ZNF536: variants seen among roughly 807,000 people sequenced by gnomAD.
ZNF536 encodes zinc finger protein 536.
A neutral mutation model predicts 84.5 loss-of-function variants in ZNF536; 13 were observed. The ratio of observed to expected loss-of-function variants is 0.15; its 90% CI spans 0.10 to 0.24. The LOEUF (loss-of-function observed/expected upper bound fraction) is 0.24. ZNF536 is among the 10% of genes least tolerant of loss of function. The pLI is 1.00. For missense variants in ZNF536, 1,536 were observed against 1,747.5 expected, an observed-to-expected ratio of 0.88 and a Z score of 2.16; for synonymous variants, 811 against 742.5, an observed-to-expected ratio of 1.09 and a Z score of -1.50.
chr19:30,275,369 C>T (rs1455099193), intron 1 of ZNF536, among the ~76,000 whole-genome samples: 1 of 152,220 alleles, frequency 6.6e-6, no homozygotes, highest in African/African-American at 2.4e-5. Flanking sequence ...CCACCTTTTG[C>T]TGGGGAGTAG....
downstream of ZNF536, chr19:30,713,546 CTG>C (rs2052517156): frequency 6.6e-6 from 1 of 152,122 alleles, no homozygotes; most frequent in Non-Finnish European, 1.5e-5. Flanking sequence ...TCAGCAATGA[CTG>C]TTTTCTTTCT....
chr19:30,373,961 G>C (rs1162521948), intron 1 of ZNF536, among the ~76,000 whole-genome samples: 1 of 152,152 alleles, frequency 6.6e-6, no homozygotes, highest in Non-Finnish European at 1.5e-5. Flanking sequence ...CCTGTTTTCC[G>C]GGCCTGCAGT....
chr19:30,678,307 G>C (rs1000146630), intron 1 of ZNF536, among the ~76,000 whole-genome samples: 1 of 152,128 alleles, frequency 6.6e-6, no homozygotes, highest in African/African-American at 2.4e-5. Context: ...GATTGCTCAG[G>C]GTCCTCAGCA....
chr19:30,419,324 G>T (rs1200872411), intron 1 of ZNF536, among the ~76,000 whole-genome samples: 2 of 152,180 alleles, frequency 1.3e-5, no homozygotes, highest in Middle Eastern at 3.2e-3. Flanking sequence ...TTTCCGTACA[G>T]TTTTGTCTTT....
At chr19:30,388,133 A>G (rs1481871531) in intron 1 of ZNF536, among the ~76,000 whole-genome samples, 3 of 152,224 alleles carry the variant, frequency 2.0e-5, no homozygotes, top group Non-Finnish European at 4.4e-5. Flanking sequence ...AAAAGAAAAG[A>G]CAAGGGTGTG....
At chr19:30,263,135 G>T (rs1019991624) in intron 1 of ZNF536, among the ~76,000 whole-genome samples, 8 of 152,152 alleles carry the variant, frequency 5.3e-5, no homozygotes, top group African/African-American at 1.9e-4. Context: ...GGAGCAGCAT[G>T]GTGCAGCTCC....
chr19:30,381,365 C>T (rs1350125183), intron 1 of ZNF536, among the ~76,000 whole-genome samples: 2 of 152,202 alleles, frequency 1.3e-5, no homozygotes, highest in African/African-American at 2.4e-5. Context: ...ACACAGTCAC[C>T]TCATACATGA....
chr19:30,240,516 T>G (rs1047766266), intron 1 of ZNF536, among the ~76,000 whole-genome samples: 41 of 152,214 alleles, frequency 2.7e-4, no homozygotes, highest in African/African-American at 9.6e-4. Flanking sequence ...AGCTCCCAGC[T>G]GCAGGTTGCT....
intron 1 of ZNF536, among the ~76,000 whole-genome samples, chr19:30,421,642 C>G (rs938420247): frequency 6.6e-6 from 1 of 152,190 alleles, no homozygotes; most frequent in Non-Finnish European, 1.5e-5. Context: ...GGATTTCGGG[C>G]GTGAGCCACT....
At chr19:30,705,195 G>A (rs915110462) in intron 1 of ZNF536, among the ~76,000 whole-genome samples, 54 of 152,046 alleles carry the variant, frequency 3.6e-4, no homozygotes, top group Middle Eastern at 3.2e-3. Flanking sequence ...GGCTTATTCC[G>A]GGCCTATCAT....
At chr19:30,565,738 G>C (rs1040262991) in intron 1 of ZNF536, among the ~76,000 whole-genome samples, 2 of 151,976 alleles carry the variant, frequency 1.3e-5, no homozygotes, top group African/African-American at 4.8e-5. Context: ...GTCTGCTCTT[G>C]CTGTCATTTT....
At chr19:30,486,990 T>G (rs2054326235) in intron 2 of ZNF536, among the ~76,000 whole-genome samples, 1 of 152,218 alleles carries the variant, frequency 6.6e-6, no homozygotes, top group Admixed American at 6.5e-5. Context: ...AGTGGCCATT[T>G]TGGTCTATTG....
chr19:30,700,216 CTT>C (rs745749335), intron 1 of ZNF536, among the ~76,000 whole-genome samples: 87 of 86,858 alleles, frequency 1.0e-3, no homozygotes, highest in African/African-American at 2.9e-3. Context: ...TTCTTTCCTT[CTT>C]TCTTTCTTTC....
chr19:30,664,434 G>A (rs1033808362), intron 1 of ZNF536, among the ~76,000 whole-genome samples: 1 of 152,124 alleles, frequency 6.6e-6, no homozygotes, highest in Non-Finnish European at 1.5e-5. Context: ...GCTGGAGGGC[G>A]GGGTGGATGG....
chr19:30,446,248 CAAAAAAAAAAAAAAAAA>C (rs1177505634), intron 2 of ZNF536, among the ~76,000 whole-genome samples: 1 of 29,178 alleles, frequency 3.4e-5, no homozygotes, highest in Non-Finnish European at 5.7e-5. Flanking sequence ...GACACTGTCT[CAAAAAAAAAAAAAAAAA>C]AAAAAAAAAG....
At chr19:30,552,393 G>C (rs1599779003) in intron 4 of ZNF536, among the ~76,000 whole-genome samples, 1 of 152,302 alleles carries the variant, frequency 6.6e-6, no homozygotes, top group Admixed American at 6.5e-5. Context: ...GCTTATAGGA[G>C]GAGCTAATGT....
At chr19:30,304,956 G>A (rs901695094) in intron 2 of ZNF536, among the ~76,000 whole-genome samples, 1 of 152,222 alleles carries the variant, frequency 6.6e-6, no homozygotes, top group African/African-American at 2.4e-5. Flanking sequence ...CCTGTTCTTA[G>A]GAGGAGACTG....
At chr19:30,332,913 C>T (rs575247787) in intron 2 of ZNF536, among the ~76,000 whole-genome samples, 1 of 152,252 alleles carries the variant, frequency 6.6e-6, no homozygotes, top group East Asian at 1.9e-4. Flanking sequence ...AAACCCATGT[C>T]TCTACAAAAA....
intron 1 of ZNF536, among the ~76,000 whole-genome samples, chr19:30,575,476 C>G (rs112521496): frequency 8.5e-5 from 13 of 152,144 alleles, no homozygotes; most frequent in Non-Finnish European, 1.8e-4. Flanking sequence ...GCAAGAGGAG[C>G]GAGACTGAGG....
Sources: allele counts gnomAD v4.1 joint callset (sites outside exome capture counted in the v4.1 genomes callset), GRCh38; gene constraint gnomAD v4.1.1; transcripts MANE v1.5; gene names NCBI Gene and HGNC (gene_info 2026-07-23, HGNC 2026-07-21).